The following MACC1 variants were observed in gnomAD, a reference collection of about 807,000 sequenced individuals.
The protein encoded by MACC1 is metastasis-associated in colon cancer protein 1.
MACC1 carries 79 observed loss-of-function variants against 70.7 expected under a neutral mutation model. The observed-to-expected ratio is 1.12, with a 90% CI of 0.93 to 1.35. MACC1 has a LOEUF of 1.35. Ranked by LOEUF, MACC1 falls within the 40% of genes most tolerant of loss-of-function variation. The probability of loss-of-function intolerance (pLI) is 0.00; values close to 1 mark genes in which losing one functional copy is unlikely to be tolerated. For missense variants in MACC1, 1,106 were observed against 978.1 expected (o/e 1.13, Z -1.74); for synonymous variants, 361 against 347.2 (o/e 1.04, Z -0.44).
chr7:20,185,691 G>A (rs142736408), intron 1 of MACC1, among the ~76,000 whole-genome samples: 1 of 152,136 alleles, frequency 6.6e-6, no homozygotes, highest in Non-Finnish European at 1.5e-5. Flanking sequence ...AAGTAAGGAC[G>A]AGACTGTCCA....
chr7:20,158,594 A>G lies in MACC1; in HGVS notation c.1767T>C (p.Ile589=). 1 of 1,614,022 alleles carries G rather than the reference A, an allele frequency of 6.2e-7. No homozygotes were observed. The highest frequency in any genetic ancestry group is 8.5e-7 in the Non-Finnish European group (1 of 1,179,958). The part of the protein sequence containing the change: ...ALLGEGKVKA[I]GQSKVKEWYV... ...ACCATTCTTTCACTTTGGACTGACC[A>G]ATAGCTTTTACCTTACCTTCCCCGA... is the stretch of plus-strand genomic sequence containing the variant. The change falls in exon 5 of 7, where the codon ATT becomes ATC. Residue 589 remains isoleucine, a synonymous_variant. Transcript: ENST00000400331.
At chr7:20,149,854 T>G (rs113193307) in intron 6 of MACC1, among the ~76,000 whole-genome samples, 7 of 152,326 alleles carry the variant, frequency 4.6e-5, no homozygotes, top group African/African-American at 1.7e-4. Context: ...AAGTTAAATT[T>G]GAAAGGGCTT....
At chr7:20,188,799 C>T (rs1037713663) in intron 1 of MACC1, among the ~76,000 whole-genome samples, 1 of 152,226 alleles carries the variant, frequency 6.6e-6, no homozygotes, top group Non-Finnish European at 1.5e-5. Context: ...TGCGAGGCAG[C>T]TTATCACTGT....
chr7:20,210,090 T>A (rs1782974292), intron 1 of MACC1, among the ~76,000 whole-genome samples: 1 of 152,192 alleles, frequency 6.6e-6, no homozygotes, highest in African/African-American at 2.4e-5. Context: ...GTCTTGGGTA[T>A]TTCTTCATAG....
intron 1 of MACC1, among the ~76,000 whole-genome samples, chr7:20,208,939 C>T (rs1039123675): frequency 2.0e-5 from 3 of 152,222 alleles, no homozygotes; most frequent in Admixed American, 6.5e-5. Context: ...CAAGGTACAG[C>T]TCAGGTCATT....
At chr7:20,188,148 C>T (rs1291577425) in intron 1 of MACC1, among the ~76,000 whole-genome samples, 1 of 152,162 alleles carries the variant, frequency 6.6e-6, no homozygotes, top group African/African-American at 2.4e-5. Context: ...GAAAAACCAT[C>T]CCCATGATTC....
intron 1 of MACC1, among the ~76,000 whole-genome samples, chr7:20,183,525 C>T (rs567046467): frequency 6.6e-6 from 1 of 152,250 alleles, no homozygotes; most frequent in African/African-American, 2.4e-5. Context: ...TGGTTATTGC[C>T]TTAAATCTCT....
intron 5 of MACC1, among the ~76,000 whole-genome samples, chr7:20,156,047 G>C (rs1411172464): frequency 6.6e-6 from 1 of 152,064 alleles, no homozygotes; most frequent in East Asian, 1.9e-4. Flanking sequence ...AATCAAATTG[G>C]ATGCTGAAGT....
chr7:20,180,461 GA>G (rs907667580), intron 1 of MACC1, among the ~76,000 whole-genome samples: 15 of 148,634 alleles, frequency 1.0e-4, no homozygotes, highest in African/African-American at 2.5e-4. Flanking sequence ...AAAAAAAAAA[GA>G]AAAAAAAATG....
Position 20,134,991 on chromosome 7 carries a change from A to G in MACC1, c.*5955T>C, listed in dbSNP as rs765000008. The G allele has an allele frequency of 6.6e-6, 1 of 152,236 alleles. No homozygotes were observed. The highest frequency in any genetic ancestry group is 1.5e-5 in the Non-Finnish European group (1 of 68,034). The allele number at this position is 152,236 out of a possible 1,614,324, so 9.4% of individuals were successfully genotyped here. On this transcript the variant is annotated 3_prime_UTR_variant, in exon 7 of 7. Coordinates refer to ENST00000400331, the MANE Select transcript of MACC1 (RefSeq NM_182762.4). ...CTTAGAAAGAACATCCGATCACCTTATTAACACTTTCTAATTCTACAGTGA... is the reference window on the plus strand; with the variant it reads ...CTTAGAAAGAACATCCGATCACCTTGTTAACACTTTCTAATTCTACAGTGA...
In MACC1 at chr7:20,138,579, T is replaced by G. The variant is rs911610597; in HGVS notation, c.*2367A>C. 1 of 152,186 alleles carries G rather than the reference T, an allele frequency of 6.6e-6. No individual in the cohort carries two copies. The highest frequency in any genetic ancestry group is 2.4e-5 in the African/African-American group (1 of 41,438). 9.4% of individuals were successfully genotyped at this position (152,186 alleles called of 1,614,324 possible). ...TTTTTTTCCTTCTCTCATAATTTAT[T>G]TTTAATTAAAATAAATTCTGTCCTT... On this transcript the variant is annotated 3_prime_UTR_variant, in exon 7 of 7. Transcript: ENST00000400331.
rs1365495988 is a variant in MACC1 at position 20,135,543 on chromosome 7, G to A, written c.*5403C>T. 6.6e-6 allele frequency: 1 copy of A among 152,212 alleles called. No individual in the cohort carries two copies. Among genetic ancestry groups the A allele is most frequent in the Non-Finnish European group, 1.5e-5 (1 of 68,054 alleles). The allele number at this position is 152,212 out of a possible 1,614,324, so 9.4% of individuals were successfully genotyped here. A position where few individuals can be genotyped will look rare whatever the true frequency, so the allele number is the denominator to read the frequency against. On this transcript the variant is annotated 3_prime_UTR_variant, in exon 7 of 7. Transcript: ENST00000400331. ...TGGGGTCCCTGGACCAGAAACATCT[G>A]CATCACCTGGGAAGTGATTAGAAAT... is the stretch of plus-strand genomic sequence containing the variant.
chr7:20,175,230 T>C (rs775466336), intron 1 of MACC1, among the ~76,000 whole-genome samples: 38 of 152,110 alleles, frequency 2.5e-4, no homozygotes, highest in Non-Finnish European at 4.4e-4. Flanking sequence ...TATTTTGGTA[T>C]ATGATGCAAA....
intron 1 of MACC1, among the ~76,000 whole-genome samples, chr7:20,193,098 T>C (rs573354039): frequency 3.1e-4 from 47 of 152,290 alleles, no homozygotes; most frequent in Middle Eastern, 6.8e-3. Context: ...TATACAATAA[T>C]ATCATAAAAC....
At chr7:20,163,934 C>T (rs996494765) in intron 3 of MACC1, among the ~76,000 whole-genome samples, 3 of 152,042 alleles carry the variant, frequency 2.0e-5, no homozygotes, top group Admixed American at 6.6e-5. Context: ...TTTAAATTAT[C>T]ATTATTTGTT....
At chr7:20,213,308 C>T (rs1048174025) in intron 1 of MACC1, among the ~76,000 whole-genome samples, 33 of 152,154 alleles carry the variant, frequency 2.2e-4, no homozygotes, top group African/African-American at 4.3e-4. Flanking sequence ...GAAAAAGGAA[C>T]GCTTATATGC....
chr7:20,183,951 A>G (rs1782548985), intron 1 of MACC1, among the ~76,000 whole-genome samples: 1 of 152,006 alleles, frequency 6.6e-6, no homozygotes, highest in African/African-American at 2.4e-5. Context: ...CAGGTGATTC[A>G]TCCACCTCAG....
rs373418496 is a variant in MACC1, at chr7:20,161,911, A to T, written c.-8-41T>A. The T allele has an allele frequency of 5.9e-6, 7 of 1,190,120 alleles. No individual in the cohort carries two copies. The African/African-American group carries it at 7.5e-5, about 13-fold the overall frequency. The allele number at this position is 1,190,120 out of a possible 1,614,324, so 73.7% of individuals were successfully genotyped here. The stretch of plus-strand genomic sequence containing the variant: ...ATAAGTATTTTTTGTAAGCATACAT[A>T]TACAGGCTGGCAGAGAAAATAAACT... On this transcript the variant is annotated intron_variant, in intron 3 of 6. Coordinates refer to ENST00000400331, the MANE Select transcript of MACC1 (RefSeq NM_182762.4).
chr7:20,162,774 A>G (rs1782157545), intron 3 of MACC1, among the ~76,000 whole-genome samples: 1 of 152,192 alleles, frequency 6.6e-6, no homozygotes, highest in South Asian at 2.1e-4. Context: ...GTGCACAGAA[A>G]ATAAATGCCA....
Sources: allele counts gnomAD v4.1 joint callset (sites outside exome capture counted in the v4.1 genomes callset), GRCh38; gene constraint gnomAD v4.1.1; transcripts MANE v1.5; gene names NCBI Gene and HGNC (gene_info 2026-07-23, HGNC 2026-07-21).